The following ZNF462 variants were observed in gnomAD, a reference collection of about 807,000 sequenced individuals.
ZNF462 encodes zinc finger protein 462.
A neutral mutation model predicts 201.9 loss-of-function variants in ZNF462; 10 were observed. The observed-to-expected ratio is 0.05, with a 90% CI of 0.03 to 0.08. ZNF462 has a LOEUF of 0.08. Ranked by LOEUF, ZNF462 falls within the 10% of genes least tolerant of loss-of-function variation. ZNF462 has a pLI of 1.00. For missense variants in ZNF462, 2,523 were observed against 3,168.3 expected (o/e 0.80, Z 4.89); for synonymous variants, 1,227 against 1,193.3 (o/e 1.03, Z -0.58).
rs1183272670 is a variant in ZNF462, at chr9:106,867,489, TTTA to T, written c.-31+4136_-31+4138del. 3.9e-5 allele frequency among the ~76,000 whole-genome samples: 6 copies of T among 152,206 alleles called. No individual in the cohort carries two copies. In the East Asian group the frequency reaches 1.2e-3, roughly 29 times the overall value. Reference sequence around the variant, plus strand: ...ATTGCATAATATTTCTCATATTGGATTTATGTCAGTCTAATTCATTGACCATAT... The same window carrying T: ...ATTGCATAATATTTCTCATATTGGATTGTCAGTCTAATTCATTGACCATAT... On this transcript the variant is annotated intron_variant, in intron 1 of 12. Transcript: ENST00000277225.
At position 107,003,996 on chromosome 9, in the gene ZNF462, G is replaced by A. The variant is rs1182535153; in HGVS notation, c.7189+570G>A. Among the ~76,000 whole-genome samples, 1 of 152,052 alleles carries A rather than the reference G, an allele frequency of 6.6e-6. No individual in the cohort carries two copies. On this transcript the variant is annotated intron_variant, in intron 11 of 12. Transcript: ENST00000277225. This position sits in a 1 kb window ranked among gnomAD's most constrained non-coding sequence, Gnocchi z 4.4. Reference sequence around the variant, plus strand: ...AACTATGTATTTACAGAATACACTGGGGAAGGTTTTGTGGGACTTTGGTAC... The same window carrying A: ...AACTATGTATTTACAGAATACACTGAGGAAGGTTTTGTGGGACTTTGGTAC...
chr9:106,907,091 A>G (rs1049267461), intron 1 of ZNF462, among the ~76,000 whole-genome samples: 2 of 152,146 alleles, frequency 1.3e-5, no homozygotes, highest in Admixed American at 6.5e-5. Context: ...ATTTTAATAT[A>G]GTGGAGTGTT....
chr9:106,887,457 C>G (rs1828370612), intron 1 of ZNF462, among the ~76,000 whole-genome samples: 1 of 152,190 alleles, frequency 6.6e-6, no homozygotes, highest in Non-Finnish European at 1.5e-5. Flanking sequence ...GTTCCCTGAC[C>G]ATCAGTATTC....
rs1348860162 is a variant in ZNF462, at chr9:107,003,672, A to G, written c.7189+246A>G. 6.6e-6 allele frequency among the ~76,000 whole-genome samples: 1 copy of G among 152,198 alleles called. No individual in the cohort carries two copies. Among genetic ancestry groups the G allele is most frequent in the African/African-American group, 2.4e-5 (1 of 41,452 alleles). On this transcript the variant is annotated intron_variant, in intron 11 of 12. Transcript: ENST00000277225. This position sits in a 1 kb window ranked among gnomAD's most constrained non-coding sequence, Gnocchi z 4.4. Reference sequence around the variant, plus strand: ...TAGATATATGTTTGTTGAAAAATAGATGGCAGTGATTTGTTTTTAATAAGG... The same window carrying G: ...TAGATATATGTTTGTTGAAAAATAGGTGGCAGTGATTTGTTTTTAATAAGG...
At position 106,926,650 on chromosome 9, in the gene ZNF462, T is replaced by C; in HGVS notation, c.2738T>C (p.Met913Thr). The C allele has an allele frequency of 1.2e-6, 2 of 1,613,810 alleles. No homozygotes were observed. The highest frequency in any genetic ancestry group is 1.7e-6 in the Non-Finnish European group (2 of 1,179,958). ...TATGGCGAGCACCACCCAGAAGCCA[T>C]GAATGTACTCAACTTTGATCACTCG... ...QHYGEHHPEAMNVLNFDHSDL... is the reference protein window; with the variant it reads ...QHYGEHHPEATNVLNFDHSDL... Residue 913 changes from methionine (M) to threonine (T), a missense_variant, in exon 3 of 13, where the codon ATG becomes ACG. Around this residue, in one of 15 missense-constraint regions of ZNF462, gnomAD observed 280 missense variants for 321.3 expected, o/e 0.87. Transcript: ENST00000277225. The surrounding 1 kb of genome is among the most constrained non-coding windows in gnomAD (Gnocchi z 7.9).
At position 106,927,620 on chromosome 9, in the gene ZNF462, C is replaced by T; in HGVS notation, c.3708C>T (p.Leu1236=). 3 of 1,614,074 alleles carry T rather than the reference C, an allele frequency of 1.9e-6. 1 individual carries two copies. The South Asian group carries it at 3.3e-5, about 18-fold the overall frequency. Residue 1236 remains leucine (L), a synonymous_variant, in exon 3 of 13, where the codon CTC becomes CTT. Transcript: ENST00000277225. ...IRQHTATIRS[L]CDRNQKKPAS... is the part of the protein sequence containing the mutation. ...AGCATACGGCCACCATTCGAAGCCT[C>T]TGCGACCGAAATCAGAAGAAGCCTG...
At position 107,005,999 on chromosome 9, in the gene ZNF462, G is replaced by A. The variant is rs749437493; in HGVS notation, c.7189+2573G>A. On this transcript the variant is annotated intron_variant, in intron 11 of 12. Transcript: ENST00000277225. This position sits in a 1 kb window ranked among gnomAD's most constrained non-coding sequence, Gnocchi z 4.4. Reference sequence around the variant, plus strand: ...TTGAAAACCGATGGACTGTGAATGTGTGGATTTATTTCTGGGCTCTCTATT... The same window carrying A: ...TTGAAAACCGATGGACTGTGAATGTATGGATTTATTTCTGGGCTCTCTATT... Among the ~76,000 whole-genome samples, 3 of 152,148 alleles carry A rather than the reference G, an allele frequency of 2.0e-5. No homozygotes were observed. The highest frequency in any genetic ancestry group is 4.4e-5 in the Non-Finnish European group (3 of 68,020).
rs1829602274 is a variant in ZNF462, at chr9:106,912,732, A to G, written c.-30-10622A>G. ...AAGATGTTGGACCAGGTTGGACTAT[A>G]TGGTCTTTAAGATCTCCTCTCCATT... On this transcript the variant is annotated intron_variant, in intron 1 of 12. Transcript: ENST00000277225. 2.0e-5 allele frequency among the ~76,000 whole-genome samples: 3 copies of G among 152,134 alleles called. 1 individual carries two copies. The highest frequency in any genetic ancestry group is 2.1e-4 in the South Asian group (1 of 4,834).
At position 106,978,381 on chromosome 9, in the gene ZNF462, G is replaced by A. The variant is rs1375439921; in HGVS notation, c.6832+4108G>A. Among the ~76,000 whole-genome samples the A allele has an allele frequency of 3.3e-5, 5 of 151,612 alleles. No individual in the cohort carries two copies. The highest frequency in any genetic ancestry group is 4.9e-5 in the African/African-American group (2 of 40,896). The stretch of plus-strand genomic sequence containing the variant: ...GTATGTTCTGGCCAAAGTATGAAGC[G>A]CCTGGATACTAATATAGAAGTTGGA... On this transcript the variant is annotated intron_variant, in intron 9 of 12. Transcript: ENST00000277225. The surrounding 1 kb of genome is among the most constrained non-coding windows in gnomAD (Gnocchi z 4.1).
rs1364110107 is a variant in ZNF462, at chr9:106,893,741, ATTG to A, written c.-30-29608_-30-29606del. Among the ~76,000 whole-genome samples the A allele has an allele frequency of 3.3e-5, 5 of 152,126 alleles. No individual in the cohort carries two copies. In the East Asian group the frequency reaches 5.8e-4, roughly 18 times the overall value. ...TGTTGTCTCATTTAATCCTCACTAT[ATTG>A]TTGTGCAGTGGATGTAATTTTATTG... On this transcript the variant is annotated intron_variant, in intron 1 of 12. Transcript: ENST00000277225.
chr9:107,009,704 A>G lies in ZNF462; in HGVS notation c.7313+36A>G, dbSNP rs760359131. ...CCACTTCAAGGATGCCTTTGTCCAAAGCAAGAGGTAGGGAGGGAGGGAGGG... is the reference window on the plus strand; with the variant it reads ...CCACTTCAAGGATGCCTTTGTCCAAGGCAAGAGGTAGGGAGGGAGGGAGGG... On this transcript the variant is annotated intron_variant, in intron 12 of 12. Transcript: ENST00000277225. This position sits in a 1 kb window ranked among gnomAD's most constrained non-coding sequence, Gnocchi z 6.1. 2.2e-6 allele frequency: 2 copies of G among 904,294 alleles called. No individual in the cohort carries two copies. The highest frequency in any genetic ancestry group is 1.3e-5 in the South Asian group (1 of 78,028). The allele number at this position is 904,294 out of a possible 1,614,324, so 56.0% of individuals were successfully genotyped here.
chr9:106,928,041 G>A lies in ZNF462; in HGVS notation c.4129G>A (p.Glu1377Lys), dbSNP rs768977077. The A allele has an allele frequency of 4.3e-5, 69 of 1,614,048 alleles. No individual in the cohort carries two copies. Among genetic ancestry groups the A allele is most frequent in the Non-Finnish European group, 5.8e-5 (68 of 1,180,054 alleles). Reference sequence around the variant, plus strand: ...CTACAGATGCAGGGACTGTGTTTTCGAAGCTGTTTCCATCTGGGACATCAC... The same window carrying A: ...CTACAGATGCAGGGACTGTGTTTTCAAAGCTGTTTCCATCTGGGACATCAC... ...KTYRCRDCVF[E>K]AVSIWDITNH... is the part of the protein sequence containing the mutation. The change falls in exon 3 of 13, where the codon GAA becomes AAA. Residue 1377 changes from glutamate to lysine, a missense_variant. Physicochemically the swap from Glu to Lys is moderately conservative, Grantham distance 56. Coordinates refer to ENST00000277225, the MANE Select transcript of ZNF462 (RefSeq NM_021224.6). This position sits in a 1 kb window ranked among gnomAD's most constrained non-coding sequence, Gnocchi z 9.3.
chr9:106,992,885 C>T (rs1828394108), intron 10 of ZNF462, among the ~76,000 whole-genome samples: 1 of 152,048 alleles, frequency 6.6e-6, no homozygotes, highest in Non-Finnish European at 1.5e-5. Context: ...ACCCAACACA[C>T]AGTAGGTCTT....
In ZNF462 at chr9:107,010,799, T is replaced by C; in HGVS notation, c.7314-24T>C. 4 of 1,597,688 alleles carry C rather than the reference T, an allele frequency of 2.5e-6. No individual in the cohort carries two copies. Among genetic ancestry groups the C allele is most frequent in the Non-Finnish European group, 3.4e-6 (4 of 1,170,870 alleles). On this transcript the variant is annotated intron_variant, in intron 12 of 12. Transcript: ENST00000277225. This position sits in a 1 kb window ranked among gnomAD's most constrained non-coding sequence, Gnocchi z 4.6. ...GAAATATATATACTATACTCATCTG[T>C]CTCTTCGATAAATGTTTTTCCAGGG...
At position 106,943,051 on chromosome 9, in the gene ZNF462, TGC is replaced by T. The variant is rs757008438; in HGVS notation, c.6427+3952_6427+3953del. 9.9e-4 allele frequency among the ~76,000 whole-genome samples: 144 copies of T among 145,414 alleles called. 1 individual carries two copies. Among genetic ancestry groups the T allele is most frequent in the African/African-American group, 1.8e-3 (72 of 39,248 alleles). On this transcript the variant is annotated intron_variant, in intron 7 of 12. Coordinates refer to ENST00000277225, the MANE Select transcript of ZNF462 (RefSeq NM_021224.6). ...GAATGATGGTAACATAGTTTTGTTT[TGC>T]GCGCGCGTGTGTGTGTGTGTGTGTG...
At position 106,928,685 on chromosome 9, in the gene ZNF462, A is replaced by G. The variant is rs748939875; in HGVS notation, c.4773A>G (p.Lys1591=). The G allele has an allele frequency of 1.9e-6, 3 of 1,614,148 alleles. No individual in the cohort carries two copies. In the Admixed American group the frequency reaches 5.0e-5, roughly 27 times the overall value. Residue 1591 remains lysine (K), a synonymous_variant, in exon 3 of 13, where the codon AAA becomes AAG. Transcript: ENST00000277225. This position sits in a 1 kb window ranked among gnomAD's most constrained non-coding sequence, Gnocchi z 9.3. ...CGTACACACACGGCACTTTGGAGAA[A>G]CTAAAAATCCACTACGAGAAGTATC... is the stretch of plus-strand genomic sequence containing the variant. The part of the protein sequence containing the change: ...LCPYTHGTLE[K]LKIHYEKYHN...
rs1227874577 is a variant in ZNF462, at chr9:106,927,321, C to T, written c.3409C>T (p.His1137Tyr). The change falls in exon 3 of 13, where the codon CAC becomes TAC. Residue 1137 changes from histidine (H) to tyrosine (Y), a missense_variant. Transcript: ENST00000277225. The stretch of plus-strand genomic sequence containing the variant: ...AGTGCTTGTCCACTACCAGAAAAGA[C>T]ACCCAGAAATAAAGGTTACTGCCAA... The part of the protein sequence containing the change: ...VGVLVHYQKR[H>Y]PEIKVTAKYI... 1 of 1,612,092 alleles carries T rather than the reference C, an allele frequency of 6.2e-7. No individual in the cohort carries two copies. Among genetic ancestry groups the T allele is most frequent in the Admixed American group, 1.7e-5 (1 of 59,566 alleles).
At chr9:106,915,516 A>G (rs7041410) in intron 1 of ZNF462, among the ~76,000 whole-genome samples, 20,069 of 152,190 alleles carry the variant, frequency 0.13, 1,375 homozygotes, top group Middle Eastern at 0.18. Context: ...CTAATTTTGG[A>G]GTATATTCCA....
At chr9:106,946,084 CT>C (rs1159189423) in intron 7 of ZNF462, among the ~76,000 whole-genome samples, 1 of 152,214 alleles carries the variant, frequency 6.6e-6, no homozygotes, top group Non-Finnish European at 1.5e-5. Context: ...ATTCATCTCC[CT>C]GTTCCCATGC....
Sources: allele counts gnomAD v4.1 joint callset (sites outside exome capture counted in the v4.1 genomes callset), GRCh38; gene constraint gnomAD v4.1.1; regional missense constraint gnomAD v4.1.1; non-coding constraint Gnocchi (gnomAD v3.1); transcripts MANE v1.5; gene names NCBI Gene and HGNC (gene_info 2026-07-23, HGNC 2026-07-21).